Variants in DNM3 observed in about 807,000 individuals in gnomAD.
DNM3 encodes the protein dynamin 3, also known as dynamin-3.
Under a neutral mutation model 101.6 loss-of-function variants are expected in DNM3, and 47 were observed. That is an observed-to-expected ratio of 0.46 (90% CI 0.37 to 0.59). The LOEUF (loss-of-function observed/expected upper bound fraction) is 0.59. Among genes scored for constraint, DNM3 ranks in the 20% least tolerant of loss-of-function variants. The pLI is 0.00. For synonymous variants in DNM3, 385 were observed against 387.9 expected, an observed-to-expected ratio of 0.99 and a Z score of 0.09; for missense variants, 849 against 1,085.7, an observed-to-expected ratio of 0.78 and a Z score of 3.06.
At chr1:172,090,604 A>G (rs2053842080) in intron 12 of DNM3, among the ~76,000 whole-genome samples, 1 of 152,228 alleles carries the variant, frequency 6.6e-6, no homozygotes, top group South Asian at 2.1e-4. Flanking sequence ...AAATTAGCAA[A>G]TTTTAAATTG....
At chr1:172,122,046 C>T (rs994727720) in intron 13 of DNM3, among the ~76,000 whole-genome samples, 11 of 152,100 alleles carry the variant, frequency 7.2e-5, no homozygotes, top group African/African-American at 2.7e-4. Flanking sequence ...TTCAAACATG[C>T]TGTGTTCATT....
At chr1:172,095,516 T>A (rs537690515) in intron 13 of DNM3, among the ~76,000 whole-genome samples, 3 of 152,318 alleles carry the variant, frequency 2.0e-5, no homozygotes, top group African/African-American at 4.8e-5. Context: ...GAAATTTTCT[T>A]TATGAATCTG....
intron 1 of DNM3, among the ~76,000 whole-genome samples, chr1:171,889,721 T>C (rs1207318859): frequency 1.3e-5 from 2 of 152,168 alleles, no homozygotes; most frequent in African/African-American, 4.8e-5. Context: ...TTTTTTGTTG[T>C]TTATCTAGAA....
At chr1:171,989,387 C>A (rs2125622942) in intron 4 of DNM3, among the ~76,000 whole-genome samples, 1 of 151,714 alleles carries the variant, frequency 6.6e-6, no homozygotes, top group Non-Finnish European at 1.5e-5. Flanking sequence ...CTATATAAAT[C>A]TAAGAATAAT....
At chr1:171,938,478 T>C (rs895330111) in intron 2 of DNM3, among the ~76,000 whole-genome samples, 2 of 152,106 alleles carry the variant, frequency 1.3e-5, no homozygotes, top group Admixed American at 1.3e-4. Flanking sequence ...ATCTGGAAAA[T>C]GTAACTATCA....
intron 17 of DNM3, among the ~76,000 whole-genome samples, chr1:172,325,205 C>T (rs971754550): frequency 1.3e-5 from 2 of 152,212 alleles, no homozygotes; most frequent in African/African-American, 2.4e-5. Flanking sequence ...AATTACGGCT[C>T]ATTAAGGGTT....
chr1:172,169,364 T>C (rs1013992412), intron 14 of DNM3, among the ~76,000 whole-genome samples: 3 of 151,910 alleles, frequency 2.0e-5, no homozygotes, highest in African/African-American at 7.2e-5. Context: ...GACTGCTGCT[T>C]CTCAGAAGAA....
At chr1:171,965,414 A>G (rs1011826038) in intron 2 of DNM3, among the ~76,000 whole-genome samples, 5 of 151,808 alleles carry the variant, frequency 3.3e-5, no homozygotes, top group Non-Finnish European at 5.9e-5. Context: ...TTAGCTGGGC[A>G]TGGTGACATG....
chr1:172,246,910 G>A (rs1458364118), intron 14 of DNM3, among the ~76,000 whole-genome samples: 2 of 151,930 alleles, frequency 1.3e-5, no homozygotes, highest in African/African-American at 2.4e-5. Context: ...TGGCCACAAT[G>A]CATCAAAGAA....
chr1:172,388,250 A>G (rs999201234), intron 19 of DNM3, among the ~76,000 whole-genome samples: 13 of 152,152 alleles, frequency 8.5e-5, no homozygotes, highest in South Asian at 8.3e-4. Context: ...AAAAAAAAGG[A>G]GGTTGTAGAA....
intron 14 of DNM3, among the ~76,000 whole-genome samples, chr1:172,216,316 T>C (rs531613139): frequency 2.6e-5 from 4 of 152,294 alleles, no homozygotes; most frequent in Admixed American, 2.6e-4. Context: ...TGTGAAGTAC[T>C]TGACTTCCTT....
intron 2 of DNM3, among the ~76,000 whole-genome samples, chr1:171,956,718 G>A (rs964332150): frequency 2.6e-5 from 4 of 152,298 alleles, no homozygotes; most frequent in South Asian, 4.1e-4. Context: ...TGCCCCAGCA[G>A]AGGTTCTCCA....
intron 4 of DNM3, among the ~76,000 whole-genome samples, chr1:172,008,236 T>C (rs572813359): frequency 1.1e-4 from 17 of 152,214 alleles, no homozygotes; most frequent in African/African-American, 3.8e-4. Flanking sequence ...TTTGCTTTTG[T>C]TGCCTGTACT....
At chr1:172,355,697 A>T (rs2067418625) in intron 17 of DNM3, among the ~76,000 whole-genome samples, 1 of 152,144 alleles carries the variant, frequency 6.6e-6, no homozygotes, top group Admixed American at 6.6e-5. Flanking sequence ...CCTATACACG[A>T]TTGGATATAT....
intron 17 of DNM3, among the ~76,000 whole-genome samples, chr1:172,325,752 C>T (rs746417740): frequency 2.6e-5 from 4 of 152,144 alleles, no homozygotes; most frequent in Non-Finnish European, 5.9e-5. Flanking sequence ...TTGTTGCCTG[C>T]CATATACGTG....
rs190184966 is a variant in DNM3 at position 171,911,349 on chromosome 1, C to T, written c.162-10399C>T. Reference sequence around the variant, plus strand: ...AGGCTGGAGTGCAGTGGTGCAATCTCGGCTCACTGCAACCTCCACCTCCCG... The same window carrying T: ...AGGCTGGAGTGCAGTGGTGCAATCTTGGCTCACTGCAACCTCCACCTCCCG... On this transcript the variant is annotated intron_variant, in intron 1 of 20. Coordinates refer to ENST00000627582, the MANE Select transcript of DNM3 (RefSeq NM_015569.5). Among the ~76,000 whole-genome samples the T allele has an allele frequency of 3.9e-4, 55 of 139,480 alleles. 2 individuals are homozygous for T. The highest frequency in any genetic ancestry group is 9.9e-3 in the Middle Eastern group (2 of 202). 91.5% of individuals were successfully genotyped at this position (139,480 alleles called of 152,430 possible).
intron 4 of DNM3, among the ~76,000 whole-genome samples, chr1:171,995,072 CTTG>C (rs1295657806): frequency 2.2e-5 from 3 of 139,414 alleles, no homozygotes; most frequent in Non-Finnish European, 4.6e-5. Flanking sequence ...CACCATACGG[CTTG>C]TTGTTCTTAC....
chr1:172,211,454 A>G (rs1225422409), intron 14 of DNM3, among the ~76,000 whole-genome samples: 1 of 152,128 alleles, frequency 6.6e-6, no homozygotes, highest in African/African-American at 2.4e-5. Flanking sequence ...TGCAGTGACC[A>G]TTGCCACAGG....
chr1:171,841,792 T>G lies in DNM3; in HGVS notation c.136T>G (p.Ser46Ala). 6.2e-7 allele frequency: 1 copy of G among 1,609,630 alleles called. No homozygotes were observed. Among genetic ancestry groups the G allele is most frequent in the South Asian group, 1.1e-5 (1 of 90,580 alleles). The change falls in exon 1 of 21, where the codon TCG becomes GCG. Residue 46 changes from serine to alanine, a missense_variant. Physicochemically the swap from Ser to Ala is moderately conservative, Grantham distance 99. This residue lies in a region of DNM3 where 388 missense variants were observed against 483.0 expected (regional missense o/e 0.80). Coordinates refer to ENST00000627582, the MANE Select transcript of DNM3 (RefSeq NM_015569.5). The part of the protein sequence containing the change: ...VVGGQSAGKS[S>A]VLENFVGRDF... Reference sequence around the variant, plus strand: ...GGGCGGCCAGAGCGCCGGCAAGAGCTCGGTGCTCGAGAACTTCGTGGGCAG... The same window carrying G: ...GGGCGGCCAGAGCGCCGGCAAGAGCGCGGTGCTCGAGAACTTCGTGGGCAG...
Sources: allele counts gnomAD v4.1 joint callset (sites outside exome capture counted in the v4.1 genomes callset), GRCh38; gene constraint gnomAD v4.1.1; regional missense constraint gnomAD v4.1.1; transcripts MANE v1.5; gene names NCBI Gene and HGNC (gene_info 2026-07-23, HGNC 2026-07-21).